The following PABPC4L variants were observed in gnomAD, a reference collection of about 807,000 sequenced individuals.
PABPC4L encodes polyadenylate-binding protein 4-like.
For synonymous variants in PABPC4L, 169 were observed against 164.1 expected, an observed-to-expected ratio of 1.03 and a Z score of -0.23; for missense variants, 452 against 451.4, an observed-to-expected ratio of 1.00 and a Z score of -0.01.
chr4:134,132,272 C>A, the PABPC4L span, among the ~76,000 whole-genome samples: 5 of 151,932 alleles, frequency 3.3e-5, no homozygotes, highest in Non-Finnish European at 5.9e-5. Context: ...ACAGAGTAAA[C>A]AGACAACCCA....
the PABPC4L span, among the ~76,000 whole-genome samples, chr4:133,986,352 G>A: frequency 5.9e-5 from 9 of 151,464 alleles, no homozygotes; most frequent in African/African-American, 9.7e-5. Context: ...AATAAAATAC[G>A]AGATATATAA....
At chr4:134,026,926 A>T in the PABPC4L span, among the ~76,000 whole-genome samples, 242 of 152,200 alleles carry the variant, frequency 1.6e-3, 2 homozygotes, top group Admixed American at 6.2e-3. Flanking sequence ...GAATCTAGGA[A>T]CTGGCTGTCT....
At chr4:133,974,925 GA>G in the PABPC4L span, among the ~76,000 whole-genome samples, 3 of 151,912 alleles carry the variant, frequency 2.0e-5, no homozygotes, top group Admixed American at 6.6e-5. Context: ...AGCCTCTTTG[GA>G]AAAAAAGTTT....
the PABPC4L span, among the ~76,000 whole-genome samples, chr4:134,015,153 A>C: frequency 1.3e-5 from 2 of 152,104 alleles, no homozygotes; most frequent in East Asian, 3.9e-4. Flanking sequence ...GCTCAATGCC[A>C]ATATCCCATC....
At chr4:133,949,461 A>C in the PABPC4L span, among the ~76,000 whole-genome samples, 1 of 152,278 alleles carries the variant, frequency 6.6e-6, no homozygotes, top group African/African-American at 2.4e-5. Context: ...GATTAATCCT[A>C]ATCATATCCA....
At chr4:134,065,337 T>G in the PABPC4L span, among the ~76,000 whole-genome samples, 1 of 74,422 alleles carries the variant, frequency 1.3e-5, no homozygotes, top group South Asian at 3.8e-4. Flanking sequence ...TGTATTTATC[T>G]AATATTAGTG....
chr4:134,159,728 G>A, the PABPC4L span, among the ~76,000 whole-genome samples: 1 of 152,014 alleles, frequency 6.6e-6, no homozygotes, highest in African/African-American at 2.4e-5. Context: ...GCAGTCCCTG[G>A]GCAAGCCCTG....
the PABPC4L span, among the ~76,000 whole-genome samples, chr4:134,091,099 G>T: frequency 6.6e-6 from 1 of 152,074 alleles, no homozygotes; most frequent in African/African-American, 2.4e-5. Context: ...TTAACATAGA[G>T]AAGACTGAGG....
chr4:134,016,385 G>T, the PABPC4L span, among the ~76,000 whole-genome samples: 6 of 152,096 alleles, frequency 3.9e-5, no homozygotes, highest in Non-Finnish European at 7.4e-5. Context: ...TAATAAAAAT[G>T]CTTCTCAAAG....
chr4:134,162,088 A>T, the PABPC4L span, among the ~76,000 whole-genome samples: 4 of 152,146 alleles, frequency 2.6e-5, no homozygotes. Flanking sequence ...AGACACAAAA[A>T]TAAAATGCAA....
chr4:134,160,631 A>C, the PABPC4L span, among the ~76,000 whole-genome samples: 1 of 152,088 alleles, frequency 6.6e-6, no homozygotes, highest in Non-Finnish European at 1.5e-5. Flanking sequence ...AATCCCAGCT[A>C]TTTGGGAGGT....
the PABPC4L span, among the ~76,000 whole-genome samples, chr4:134,188,180 C>G: frequency 1.3e-5 from 2 of 151,644 alleles, no homozygotes; most frequent in Non-Finnish European, 2.9e-5. Flanking sequence ...TCCATGTCCA[C>G]TAATTAAAAA....
At chr4:134,148,412 C>T in the PABPC4L span, among the ~76,000 whole-genome samples, 572 of 152,166 alleles carry the variant, frequency 3.8e-3, 2 homozygotes, top group African/African-American at 0.013. Context: ...GTAGGTCAAG[C>T]TTTAGCTCTG....
chr4:133,961,385 AG>A, the PABPC4L span, among the ~76,000 whole-genome samples: 44,632 of 151,964 alleles, frequency 0.29, 9,875 homozygotes, highest in African/African-American at 0.58. Flanking sequence ...AGAATCCCTA[AG>A]CCTAGCTGGG....
At chr4:134,023,367 G>T in the PABPC4L span, among the ~76,000 whole-genome samples, 1 of 152,050 alleles carries the variant, frequency 6.6e-6, no homozygotes, top group Admixed American at 6.6e-5. Context: ...TTGTGTATGT[G>T]GGGAGACAGC....
the PABPC4L span, among the ~76,000 whole-genome samples, chr4:134,056,669 AT>A: frequency 6.6e-6 from 1 of 151,896 alleles, no homozygotes; most frequent in African/African-American, 2.4e-5. Flanking sequence ...GTATTTTTTA[AT>A]TTTAGTATCC....
chr4:134,091,773 C>T, the PABPC4L span, among the ~76,000 whole-genome samples: 1 of 151,472 alleles, frequency 6.6e-6, no homozygotes, highest in Non-Finnish European at 1.5e-5. Flanking sequence ...GAAATAGTAA[C>T]ATGATTACAT....
At position 134,201,756 on chromosome 4, in the gene PABPC4L, G is replaced by A. The variant is rs1729898594; in HGVS notation, c.-265C>T. The A allele has an allele frequency of 1.3e-5, 2 of 152,482 alleles. No homozygotes were observed. The highest frequency in any genetic ancestry group is 2.9e-5 in the Non-Finnish European group (2 of 68,272). 9.4% of individuals were successfully genotyped at this position (152,482 alleles called of 1,614,324 possible). A position where few individuals can be genotyped will look rare whatever the true frequency, so the allele number is the denominator to read the frequency against. On this transcript the variant is annotated 5_prime_UTR_variant, in exon 1 of 2. Coordinates refer to ENST00000421491, the MANE Select transcript of PABPC4L (RefSeq NM_001114734.2). ...CGGGCGGGCGGGAAGCCCGGAACTC[G>A]CGCGCTGAACTTCCCGCGCACTCGC...
the PABPC4L span, among the ~76,000 whole-genome samples, chr4:134,051,082 T>C: frequency 6.6e-6 from 1 of 152,100 alleles, no homozygotes; most frequent in Non-Finnish European, 1.5e-5. Flanking sequence ...CAACCAGATG[T>C]CATAAAATGT....
Sources: allele counts gnomAD v4.1 joint callset (sites outside exome capture counted in the v4.1 genomes callset), GRCh38; gene constraint gnomAD v4.1.1; transcripts MANE v1.5; gene names NCBI Gene and HGNC (gene_info 2026-07-23, HGNC 2026-07-21).